AUTS2: variants seen among roughly 807,000 people sequenced by gnomAD.
AUTS2 encodes the protein autism susceptibility gene 2 protein.
AUTS2 carries 17 observed loss-of-function variants against 112.4 expected under a neutral mutation model. The ratio of observed to expected loss-of-function variants is 0.15; its 90% CI spans 0.10 to 0.23. The LOEUF is 0.23. Among genes scored for constraint, AUTS2 ranks in the 10% least tolerant of loss-of-function variants. The pLI, the probability that AUTS2 is intolerant of heterozygous loss-of-function variation, is 1.00. For synonymous variants in AUTS2, 751 were observed against 702.7 expected, an observed-to-expected ratio of 1.07 and a Z score of -1.09; for missense variants, 1,510 against 1,701.6, an observed-to-expected ratio of 0.89 and a Z score of 1.98.
At chr7:69,954,565 C>T (rs1326598955) in intron 2 of AUTS2, among the ~76,000 whole-genome samples, 1 of 152,148 alleles carries the variant, frequency 6.6e-6, no homozygotes, top group East Asian at 1.9e-4. Flanking sequence ...TGCCTTGGCC[C>T]CCCAGTTGCT....
At chr7:69,668,755 G>A (rs1169984068) in intron 1 of AUTS2, among the ~76,000 whole-genome samples, 1 of 152,204 alleles carries the variant, frequency 6.6e-6, no homozygotes, top group Admixed American at 6.5e-5. Context: ...ACCAGATGAG[G>A]TAGGAGGTAT....
intron 2 of AUTS2, among the ~76,000 whole-genome samples, chr7:70,086,486 C>T (rs1456210680): frequency 1.3e-5 from 2 of 151,816 alleles, no homozygotes; most frequent in Non-Finnish European, 2.9e-5. Flanking sequence ...TACTAAAATA[C>T]AAAAATTAGC....
At chr7:70,627,723 A>G (rs535628088) in intron 5 of AUTS2, among the ~76,000 whole-genome samples, 26 of 152,350 alleles carry the variant, frequency 1.7e-4, no homozygotes, top group African/African-American at 6.0e-4. Flanking sequence ...GGGATCCCAC[A>G]TGCAATGGAA....
At chr7:70,146,553 T>C (rs571665066) in intron 4 of AUTS2, among the ~76,000 whole-genome samples, 1 of 152,278 alleles carries the variant, frequency 6.6e-6, no homozygotes, top group South Asian at 2.1e-4. Context: ...CATATTTTTA[T>C]TTTTCCTTTT....
intron 6 of AUTS2, among the ~76,000 whole-genome samples, chr7:70,731,620 G>T (rs181357751): frequency 2.0e-5 from 3 of 151,156 alleles, no homozygotes; most frequent in Non-Finnish European, 4.4e-5. Flanking sequence ...TAGTAGAGAC[G>T]GGGTTTCACC....
intron 4 of AUTS2, among the ~76,000 whole-genome samples, chr7:70,331,153 A>G (rs1031073950): frequency 1.3e-5 from 2 of 152,160 alleles, no homozygotes; most frequent in African/African-American, 4.8e-5. Context: ...CTCTGGTAGA[A>G]TTCAGCTGTG....
chr7:70,087,181 A>G (rs1049991216), intron 2 of AUTS2, among the ~76,000 whole-genome samples: 1 of 151,886 alleles, frequency 6.6e-6, no homozygotes, highest in Non-Finnish European at 1.5e-5. Flanking sequence ...TCAGGAATGG[A>G]TGTTGGTTTT....
At chr7:69,930,214 G>C (rs1796175543) in intron 2 of AUTS2, among the ~76,000 whole-genome samples, 1 of 152,172 alleles carries the variant, frequency 6.6e-6, no homozygotes, top group African/African-American at 2.4e-5. Flanking sequence ...TCTTTTGGGT[G>C]TTTCTTTCCC....
At chr7:70,290,444 C>T (rs967270577) in intron 4 of AUTS2, 6 of 1,541,978 alleles carry the variant, frequency 3.9e-6, no homozygotes, top group Non-Finnish European at 5.2e-6. Flanking sequence ...GTCAGCAACA[C>T]TTCATCCTGG....
At chr7:70,009,880 C>A (rs1351252583) in intron 2 of AUTS2, among the ~76,000 whole-genome samples, 2 of 152,098 alleles carry the variant, frequency 1.3e-5, no homozygotes. Context: ...GAGTTCCATC[C>A]TTTCTTTTTT....
chr7:70,195,737 T>C lies in AUTS2; in HGVS notation c.660+61166T>C, dbSNP rs182074001. Among the ~76,000 whole-genome samples, 139 of 152,300 alleles carry C rather than the reference T, an allele frequency of 9.1e-4. 1 individual carries two copies. Among genetic ancestry groups the C allele is most frequent in the Admixed American group, 9.1e-3 (139 of 15,294 alleles). ...GACATTTATCTTTGGTAGCAACATATTCCAAAGACTTAAGAGTTTAAAGAA... is the reference window on the plus strand; with the variant it reads ...GACATTTATCTTTGGTAGCAACATACTCCAAAGACTTAAGAGTTTAAAGAA... On this transcript the variant is annotated intron_variant, in intron 4 of 18. Coordinates refer to ENST00000342771, the MANE Select transcript of AUTS2 (RefSeq NM_015570.4).
intron 4 of AUTS2, among the ~76,000 whole-genome samples, chr7:70,311,210 G>C (rs989800271): frequency 3.9e-5 from 6 of 152,136 alleles, no homozygotes; most frequent in Admixed American, 1.3e-4. Flanking sequence ...AATAGCAATG[G>C]TACATGCTGA....
At chr7:70,232,415 T>C (rs950064694) in intron 4 of AUTS2, among the ~76,000 whole-genome samples, 4 of 152,038 alleles carry the variant, frequency 2.6e-5, no homozygotes, top group Non-Finnish European at 5.9e-5. Flanking sequence ...CTCTTTTTTT[T>C]TTTTGAGAGA....
rs566159606 is a variant in AUTS2, at chr7:70,504,541, T to A, written c.690+68760T>A. Among the ~76,000 whole-genome samples, 12 of 149,408 alleles carry A rather than the reference T, an allele frequency of 8.0e-5. No individual in the cohort carries two copies. The East Asian group carries it at 1.8e-3, about 23-fold the overall frequency. On this transcript the variant is annotated intron_variant, in intron 5 of 18. Coordinates refer to ENST00000342771, the MANE Select transcript of AUTS2 (RefSeq NM_015570.4). ...GTGAATAGCAGTGTAGATGTGTGAG[T>A]GATGCAGGAAGGAAGGGGACCGGCA...
rs1281728571 is a variant in AUTS2, at chr7:70,179,816, G to C, written c.660+45245G>C. Among the ~76,000 whole-genome samples, 2 of 152,120 alleles carry C rather than the reference G, an allele frequency of 1.3e-5. 1 individual carries two copies. The highest frequency in any genetic ancestry group is 2.9e-5 in the Non-Finnish European group (2 of 68,014). ...AAATGCTAGGATTCATGCTTTGGTT[G>C]TACATGAAGGGGATTATTTCTGGGT... On this transcript the variant is annotated intron_variant, in intron 4 of 18. Coordinates refer to ENST00000342771, the MANE Select transcript of AUTS2 (RefSeq NM_015570.4).
chr7:69,914,348 C>CACACAG (rs1434091378), intron 2 of AUTS2, among the ~76,000 whole-genome samples: 23 of 124,662 alleles, frequency 1.8e-4, no homozygotes, highest in African/African-American at 5.4e-4. Flanking sequence ...CACAGACACA[C>CACACAG]ACACACAGAC....
chr7:70,643,991 G>A (rs1457231293), intron 5 of AUTS2, among the ~76,000 whole-genome samples: 2 of 152,042 alleles, frequency 1.3e-5, no homozygotes, highest in Non-Finnish European at 2.9e-5. Flanking sequence ...GTAGACCTGG[G>A]GTACGGCCTG....
chr7:70,545,506 A>T (rs1011181001), intron 5 of AUTS2, among the ~76,000 whole-genome samples: 1 of 152,246 alleles, frequency 6.6e-6, no homozygotes, highest in South Asian at 2.1e-4. Flanking sequence ...CCTGCTTTAG[A>T]TGGTGCTCCA....
chr7:69,917,934 C>A (rs999790754), intron 2 of AUTS2, among the ~76,000 whole-genome samples: 3 of 152,036 alleles, frequency 2.0e-5, no homozygotes, highest in Non-Finnish European at 4.4e-5. Flanking sequence ...CCTCCACCTC[C>A]TGGGTTCAAA....
Sources: allele counts gnomAD v4.1 joint callset (sites outside exome capture counted in the v4.1 genomes callset), GRCh38; gene constraint gnomAD v4.1.1; transcripts MANE v1.5; gene names NCBI Gene and HGNC (gene_info 2026-07-23, HGNC 2026-07-21).